Variants in WDR41 observed in about 807,000 individuals in gnomAD.
WDR41 encodes the protein WD repeat domain 41, also known as WD repeat-containing protein 41.
Under a neutral mutation model 69.3 loss-of-function variants are expected in WDR41, and 63 were observed. The ratio of observed to expected loss-of-function variants is 0.91; its 90% confidence interval spans 0.74 to 1.12. The LOEUF is 1.12. Ranked by LOEUF, WDR41 falls within the 50% of genes most tolerant of loss-of-function variation. The pLI is 0.00. For missense variants in WDR41, 543 were observed against 534.5 expected, an observed-to-expected ratio of 1.02 and a Z score of -0.16; for synonymous variants, 185 against 192.1, an observed-to-expected ratio of 0.96 and a Z score of 0.31.
intron 1 of WDR41, among the ~76,000 whole-genome samples, chr5:77,515,972 T>A (rs1802285941): frequency 6.6e-6 from 1 of 152,224 alleles, no homozygotes; most frequent in Non-Finnish European, 1.5e-5. Flanking sequence ...TCAATGAGTA[T>A]CTTTGTGCAT....
intron 1 of WDR41, 199 bp downstream of exon 1, chr5:77,491,971 G>A: frequency 1.6e-6 from 1 of 608,638 alleles, no homozygotes; most frequent in Non-Finnish European, 2.7e-6. Context: ...GGTGCGCCTG[G>A]GGTCCCGCCG....
intron 1 of WDR41, among the ~76,000 whole-genome samples, chr5:77,614,764 A>G (rs1744644669): frequency 2.0e-5 from 3 of 151,650 alleles, no homozygotes; most frequent in African/African-American, 2.4e-5. Context: ...TAACCTGCAC[A>G]TTGTGCACAT....
chr5:77,529,464 G>A (rs548151828), intron 1 of WDR41, among the ~76,000 whole-genome samples: 1 of 151,492 alleles, frequency 6.6e-6, no homozygotes, highest in East Asian at 1.9e-4. Context: ...CTGATACAGA[G>A]AAACAATAAA....
chr5:77,517,651 T>C (rs1439691525), intron 1 of WDR41, among the ~76,000 whole-genome samples: 1 of 137,088 alleles, frequency 7.3e-6, no homozygotes, highest in East Asian at 2.1e-4. Context: ...TATATATATA[T>C]ATATATACCA....
chr5:77,576,122 T>G (rs1464619126), intron 1 of WDR41, among the ~76,000 whole-genome samples: 1 of 152,162 alleles, frequency 6.6e-6, no homozygotes. Flanking sequence ...AATAACTGTT[T>G]GCGATATGAC....
intron 4 of WDR41, among the ~76,000 whole-genome samples, chr5:77,462,705 T>A (rs1366587270): frequency 6.6e-6 from 1 of 152,226 alleles, no homozygotes; most frequent in Non-Finnish European, 1.5e-5. Context: ...TGGTTTCTTC[T>A]GCTGTATAGT....
intron 12 of WDR41, among the ~76,000 whole-genome samples, chr5:77,434,761 G>A (rs1359118563): frequency 1.3e-5 from 2 of 152,102 alleles, no homozygotes; most frequent in South Asian, 2.1e-4. Context: ...TTTTATCAAC[G>A]AAGCTGGAGA....
At chr5:77,583,142 T>G (rs1368640084) in intron 1 of WDR41, 1 of 1,308,546 alleles carries the variant, frequency 7.6e-7, no homozygotes. Context: ...CATGATTATT[T>G]TTCTAAGCTG....
chr5:77,440,831 A>G lies in WDR41; in HGVS notation c.864T>C (p.His288=). Reference sequence around the variant, plus strand: ...TTTTTACCTCTTCATCACATGTGAAATGATGAATAGAAATGTCATTTGATT... The same window carrying G: ...TTTTTACCTCTTCATCACATGTGAAGTGATGAATAGAAATGTCATTTGATT... ...CQKSNDISIH[H]FTCDEENVFA... Residue 288 remains histidine (H), a synonymous_variant, in exon 9 of 13, where the codon CAT becomes CAC. Coordinates refer to ENST00000296679, the MANE Select transcript of WDR41 (RefSeq NM_018268.4). 6.2e-7 allele frequency: 1 copy of G among 1,614,176 alleles called. No individual in the cohort carries two copies. The highest frequency in any genetic ancestry group is 8.5e-7 in the Non-Finnish European group (1 of 1,180,016).
At chr5:77,494,574 T>C (rs1008524815), upstream of WDR41, among the ~76,000 whole-genome samples, 4 of 152,170 alleles carry the variant, frequency 2.6e-5, no homozygotes, top group Non-Finnish European at 5.9e-5. Context: ...AGAAACATTA[T>C]GTTATATATT....
At chr5:77,493,178 G>C (rs1335928697), upstream of WDR41, among the ~76,000 whole-genome samples, 1 of 152,142 alleles carries the variant, frequency 6.6e-6, no homozygotes, top group African/African-American at 2.4e-5. Flanking sequence ...GTTTTGGGAA[G>C]GCTCCTCAGG....
chr5:77,617,123 T>C lies in WDR41; in HGVS notation c.42+3356A>G, dbSNP rs181234838. Among the ~76,000 whole-genome samples, 435 of 152,310 alleles carry C rather than the reference T, an allele frequency of 2.9e-3. 4 individuals are homozygous for C. The highest frequency in any genetic ancestry group is 0.01 in the African/African-American group (418 of 41,564). ...AGCCTAGAATGCTGAGTCAGCACTG[T>C]CCAATAAAGCTTTTTGTGATGATAT... On this transcript the variant is annotated intron_variant, in intron 1 of 5. Coordinates refer to the WDR41 transcript ENST00000509971.
At chr5:77,568,259 C>G (rs1020021551) in intron 1 of WDR41, among the ~76,000 whole-genome samples, 6 of 152,126 alleles carry the variant, frequency 3.9e-5, no homozygotes, top group African/African-American at 1.4e-4. Flanking sequence ...GCAGAGCAAA[C>G]AGCTGCTGAG....
rs117392628 is a variant in WDR41, at chr5:77,512,786, A to G, written c.43-23214T>C. On this transcript the variant is annotated intron_variant, in intron 1 of 5. Transcript: ENST00000509971. The stretch of plus-strand genomic sequence containing the variant: ...AAAAAATTGGTCAGGCGGGACCTCA[A>G]CTTTCCTGGTAGGAAAATGATGTTT... 2.2e-3 allele frequency among the ~76,000 whole-genome samples: 333 copies of G among 151,720 alleles called. 5 individuals are homozygous for G. The highest frequency in any genetic ancestry group is 0.016 in the East Asian group (83 of 5,178).
At chr5:77,539,709 G>A (rs1409392769) in intron 1 of WDR41, among the ~76,000 whole-genome samples, 1 of 152,130 alleles carries the variant, frequency 6.6e-6, no homozygotes, top group African/African-American at 2.4e-5. Flanking sequence ...AACTTCAAAT[G>A]GTTGCTTTAA....
intron 2 of WDR41, among the ~76,000 whole-genome samples, chr5:77,486,558 G>C (rs149908272): frequency 3.9e-5 from 6 of 152,270 alleles, no homozygotes; most frequent in African/African-American, 1.4e-4. Context: ...CAGCAAACAC[G>C]AGGCAAGCTG....
intron 1 of WDR41, among the ~76,000 whole-genome samples, chr5:77,614,955 A>C (rs1255219099): frequency 6.6e-6 from 1 of 152,092 alleles, no homozygotes; most frequent in Non-Finnish European, 1.5e-5. Flanking sequence ...GAAGGAAACT[A>C]TGCTAGATTT....
At chr5:77,480,801 G>A (rs1801197039) in intron 2 of WDR41, among the ~76,000 whole-genome samples, 1 of 146,734 alleles carries the variant, frequency 6.8e-6, no homozygotes, top group Non-Finnish European at 1.5e-5. Context: ...TTGTGCACAT[G>A]TACCCTAAAA....
chr5:77,450,675 T>C (rs955213350), intron 7 of WDR41, among the ~76,000 whole-genome samples: 5 of 152,300 alleles, frequency 3.3e-5, no homozygotes, highest in South Asian at 2.1e-4. Context: ...TTACCGTCAA[T>C]GTACTGAGTG....
Sources: allele counts gnomAD v4.1 joint callset (sites outside exome capture counted in the v4.1 genomes callset), GRCh38; gene constraint gnomAD v4.1.1; transcripts MANE v1.5; gene names NCBI Gene and HGNC (gene_info 2026-07-23, HGNC 2026-07-21).